Variants in STK3 observed in about 807,000 individuals in gnomAD.
STK3 encodes the protein serine/threonine kinase 3, also known as serine/threonine-protein kinase 3.
STK3 carries 41 observed loss-of-function variants against 58.0 expected under a neutral mutation model. The observed-to-expected ratio is 0.71, with a 90% CI of 0.55 to 0.92. The LOEUF is 0.92. Ranked by LOEUF, STK3 falls within the 40% of genes least tolerant of loss-of-function variation. The pLI is 0.00. For synonymous variants in STK3, 170 were observed against 191.0 expected (o/e 0.89, Z 0.91); for missense variants, 479 against 602.7 (o/e 0.79, Z 2.15).
At chr8:98,872,646 T>C (rs1294505511) in intron 3 of STK3, among the ~76,000 whole-genome samples, 1 of 152,248 alleles carries the variant, frequency 6.6e-6, no homozygotes, top group Non-Finnish European at 1.5e-5. Flanking sequence ...TATAGTATTC[T>C]CTGATGGTAG....
At chr8:98,566,007 A>G (rs1225328180) in intron 8 of STK3, among the ~76,000 whole-genome samples, 1 of 152,178 alleles carries the variant, frequency 6.6e-6, no homozygotes, top group Non-Finnish European at 1.5e-5. Context: ...TATTGGATTA[A>G]CCTTCTACAG....
chr8:98,925,202 TCTC>T (rs1351927773), intron 1 of STK3, among the ~76,000 whole-genome samples: 2 of 152,330 alleles, frequency 1.3e-5, no homozygotes, highest in Admixed American at 6.5e-5. Context: ...CTGCCATTGG[TCTC>T]CTGAAAACCC....
intron 1 of STK3, among the ~76,000 whole-genome samples, chr8:98,912,185 C>A (rs190253952): frequency 6.6e-6 from 1 of 152,072 alleles, no homozygotes; most frequent in East Asian, 1.9e-4. Context: ...TCAAGATGAG[C>A]CTGATCAACA....
Position 98,568,295 on chromosome 8 carries a change from G to GA in STK3, c.948+11368dup, listed in dbSNP as rs1459058826. The stretch of plus-strand genomic sequence containing the variant: ...AAACCCCAAAAGACAAACAGCACAG[G>GA]AATTGAATAGATAACAGTATATGGG... On this transcript the variant is annotated intron_variant, in intron 8 of 10. Coordinates refer to ENST00000419617, the MANE Select transcript of STK3 (RefSeq NM_006281.4). Among the ~76,000 whole-genome samples the GA allele has an allele frequency of 2.6e-5, 4 of 152,056 alleles. No homozygotes were observed. The South Asian group carries it at 6.2e-4, about 24-fold the overall frequency.
At chr8:98,478,716 C>G (rs941151117) in intron 10 of STK3, among the ~76,000 whole-genome samples, 1 of 152,224 alleles carries the variant, frequency 6.6e-6, no homozygotes, top group Non-Finnish European at 1.5e-5. Context: ...ACACATGTCA[C>G]AGAGATGTTC....
chr8:98,497,408 A>T (rs1823224888), intron 10 of STK3, among the ~76,000 whole-genome samples: 1 of 152,118 alleles, frequency 6.6e-6, no homozygotes, highest in Non-Finnish European at 1.5e-5. Flanking sequence ...CTTAGCTATG[A>T]TACCAAAAGC....
At chr8:98,930,939 C>T (rs1259209975) in intron 1 of STK3, among the ~76,000 whole-genome samples, 1 of 152,182 alleles carries the variant, frequency 6.6e-6, no homozygotes, top group Admixed American at 6.5e-5. Flanking sequence ...AAATGCTTAG[C>T]CCAAGAAGGA....
At chr8:98,595,921 G>T in intron 7 of STK3, 111 bp downstream of exon 7, 1 of 1,216,864 alleles carries the variant, frequency 8.2e-7, no homozygotes, top group African/African-American at 1.5e-5. Context: ...GAGGGGAGGG[G>T]AGGTTTACAT....
At chr8:98,856,018 A>T (rs1014432122) in intron 3 of STK3, among the ~76,000 whole-genome samples, 2 of 152,038 alleles carry the variant, frequency 1.3e-5, no homozygotes, top group Non-Finnish European at 2.9e-5. Context: ...TTAGCTGGGC[A>T]TTGTGGCAGG....
In STK3 at chr8:98,928,981, A is replaced by T. The variant is rs80047277; in HGVS notation, c.-79+13397T>A. 1.8e-3 allele frequency among the ~76,000 whole-genome samples: 272 copies of T among 152,354 alleles called. 4 individuals are homozygous for T. The East Asian group carries it at 0.033, about 19-fold the overall frequency. ...TAATTCAAAGGTCAAAGCTTGACAA[A>T]CAGGCCGGGCATGGTGGTTCATGCC... On this transcript the variant is annotated intron_variant, in intron 1 of 1. Transcript: ENST00000519420.
intron 1 of STK3, among the ~76,000 whole-genome samples, chr8:98,903,240 T>C (rs1186493335): frequency 1.3e-5 from 2 of 152,250 alleles, no homozygotes; most frequent in Non-Finnish European, 2.9e-5. Flanking sequence ...TTATATCATA[T>C]ATGCCTGAAT....
intron 1 of STK3, among the ~76,000 whole-genome samples, chr8:98,382,915 A>G (rs1817752257): frequency 6.6e-6 from 1 of 152,200 alleles, no homozygotes. Flanking sequence ...AAGTCCAGGC[A>G]GGCCGCAGCT....
chr8:98,671,876 G>A (rs2130846198), intron 6 of STK3, among the ~76,000 whole-genome samples: 1 of 152,246 alleles, frequency 6.6e-6, no homozygotes, highest in South Asian at 2.1e-4. Context: ...CTGAATCACA[G>A]GGGCAGTTTC....
chr8:98,441,922 C>T (rs962654575), intron 1 of STK3, among the ~76,000 whole-genome samples: 15 of 152,216 alleles, frequency 9.9e-5, no homozygotes, highest in African/African-American at 3.6e-4. Context: ...CAGCTCCAGA[C>T]CCATGTTTCC....
chr8:98,736,002 A>C (rs970189679), intron 4 of STK3, among the ~76,000 whole-genome samples: 1 of 149,092 alleles, frequency 6.7e-6, no homozygotes, highest in Non-Finnish European at 1.5e-5. Flanking sequence ...AATAAAACAT[A>C]AAAAAAAGGC....
chr8:98,555,356 T>C (rs12680490), intron 8 of STK3, among the ~76,000 whole-genome samples: 39,305 of 151,998 alleles, frequency 0.26, 5,711 homozygotes, highest in East Asian at 0.46. Context: ...AAAAGACAAA[T>C]ACTTTAGAAT....
chr8:98,701,667 T>TAC (rs35481305), intron 6 of STK3, among the ~76,000 whole-genome samples: 4 of 150,734 alleles, frequency 2.7e-5, no homozygotes, highest in Non-Finnish European at 4.4e-5. Flanking sequence ...CACATATATA[T>TAC]ACACACACAC....
Position 98,661,286 on chromosome 8 carries a change from A to G in STK3, c.684+45181T>C, listed in dbSNP as rs528471437. Among the ~76,000 whole-genome samples, 43 of 152,272 alleles carry G rather than the reference A, an allele frequency of 2.8e-4. 1 individual carries two copies. Among genetic ancestry groups the G allele is most frequent in the African/African-American group, 1.0e-3 (43 of 41,574 alleles). ...AAATGCTTCAAAACAAATCTGTGGT[A>G]GATGAACTATCCCTCACATGTCATA... On this transcript the variant is annotated intron_variant, in intron 6 of 10. Transcript: ENST00000419617.
intron 6 of STK3, among the ~76,000 whole-genome samples, chr8:98,672,599 T>G (rs987762057): frequency 3.9e-5 from 6 of 152,176 alleles, no homozygotes; most frequent in Non-Finnish European, 8.8e-5. Context: ...GGGTTTTGTT[T>G]TTTTCCTGTA....
Sources: gnomAD v4.1 joint callset for allele counts (sites outside exome capture counted in the v4.1 genomes callset) on GRCh38, gnomAD v4.1.1 for gene constraint, MANE v1.5 for transcripts, NCBI Gene and HGNC (gene_info 2026-07-23, HGNC 2026-07-21) for gene names.